Variants in DNAJC7 observed in about 807,000 individuals in gnomAD.
DNAJC7 encodes dnaJ homolog subfamily C member 7.
Under a neutral mutation model 67.4 loss-of-function variants are expected in DNAJC7, and 18 were observed. The ratio of observed to expected loss-of-function variants is 0.27; its 90% confidence interval spans 0.18 to 0.40. The LOEUF (loss-of-function observed/expected upper bound fraction) is 0.40. Among genes scored for constraint, DNAJC7 ranks in the 10% least tolerant of loss-of-function variants. DNAJC7 has a pLI of 1.00. For missense variants in DNAJC7, 419 were observed against 613.8 expected (o/e 0.68, Z 3.35); for synonymous variants, 220 against 207.8 (o/e 1.06, Z -0.50).
rs2051180912 is a variant in DNAJC7 at position 41,979,354 on chromosome 17, A to AC, written c.1385-2032_1385-2031insG. Among the ~76,000 whole-genome samples, 3 of 150,306 alleles carry AC rather than the reference A, an allele frequency of 2.0e-5. No homozygotes were observed. In the South Asian group the frequency reaches 6.3e-4, roughly 32 times the overall value. ...ACCATGTCTCAAAAACATAACAACA[A>AC]AAAAAAATTAAATAAATAAATAAGT... On this transcript the variant is annotated intron_variant, in intron 12 of 13. Transcript: ENST00000457167.
intron 3 of DNAJC7, among the ~76,000 whole-genome samples, chr17:41,996,758 G>A (rs1172803470): frequency 1.3e-5 from 2 of 152,188 alleles, no homozygotes; most frequent in African/African-American, 4.8e-5. Context: ...ACTCCAGCCT[G>A]GGCGACAGAG....
At chr17:41,993,438 A>G (rs1226109124) in intron 5 of DNAJC7, among the ~76,000 whole-genome samples, 3 of 152,150 alleles carry the variant, frequency 2.0e-5, no homozygotes, top group Admixed American at 6.6e-5. Flanking sequence ...CAGCCTGGGC[A>G]ACAGACCAAG....
intron 1 of DNAJC7, among the ~76,000 whole-genome samples, chr17:42,010,417 G>C (rs1454852587): frequency 6.6e-6 from 1 of 151,874 alleles, no homozygotes. Flanking sequence ...GCTTGAACCC[G>C]GGAGGCGGAG....
chr17:41,988,922 C>T lies in DNAJC7; in HGVS notation c.754-26G>A, dbSNP rs1007204215. The T allele has an allele frequency of 6.8e-6, 11 of 1,610,920 alleles. No homozygotes were observed. The African/African-American group carries it at 8.0e-5, about 12-fold the overall frequency. The stretch of plus-strand genomic sequence containing the variant: ...CTACAGAAAAAAGCAAGGGGAGGAT[C>T]GGTTCATATCCACAAAGCCTCAGAC... On this transcript the variant is annotated intron_variant, in intron 7 of 13. Transcript: ENST00000457167.
chr17:41,989,152 A>G (rs782558532), intron 7 of DNAJC7, among the ~76,000 whole-genome samples: 21 of 152,236 alleles, frequency 1.4e-4, no homozygotes, highest in African/African-American at 3.1e-4. Context: ...ATTACTATCT[A>G]TCTTCACTGA....
chr17:41,988,331 A>G (rs2051433009), intron 8 of DNAJC7, among the ~76,000 whole-genome samples: 3 of 152,302 alleles, frequency 2.0e-5, no homozygotes, highest in Non-Finnish European at 2.9e-5. Flanking sequence ...GCCATTTTCA[A>G]CCATGCATGG....
chr17:41,981,769 TAG>T, intron 12 of DNAJC7, 84 bp downstream of exon 12: 4 of 1,547,140 alleles, frequency 2.6e-6, no homozygotes, highest in Non-Finnish European at 3.5e-6. Flanking sequence ...TTGGCCCAAA[TAG>T]ACTCTCCCTC....
Position 41,987,858 on chromosome 17 carries a change from T to A in DNAJC7, c.971A>T (p.Asp324Val). Reference sequence around the variant, plus strand: ...CAAGTAGGCTTTTATGTAAGTGTCATCAAGCTTCACTGCATTTGTGCAGTC... The same window carrying A: ...CAAGTAGGCTTTTATGTAAGTGTCAACAAGCTTCACTGCATTTGTGCAGTC... ...IEDCTNAVKL[D>V]DTYIKAYLRR... Residue 324 changes from aspartate (D) to valine (V), a missense_variant, in exon 9 of 14, where the codon GAT becomes GTT. Around this residue, in one of 4 missense-constraint regions of DNAJC7, gnomAD observed 161 missense variants for 252.2 expected, o/e 0.64. Coordinates refer to ENST00000457167, the MANE Select transcript of DNAJC7 (RefSeq NM_003315.4). 1 of 1,612,106 alleles carries A rather than the reference T, an allele frequency of 6.2e-7. No individual in the cohort carries two copies. Among genetic ancestry groups the A allele is most frequent in the Non-Finnish European group, 8.5e-7 (1 of 1,179,212 alleles).
chr17:41,983,446 G>T, intron 10 of DNAJC7, 117 bp downstream of exon 10: 1 of 909,268 alleles, frequency 1.1e-6, no homozygotes, highest in Non-Finnish European at 1.6e-6. Flanking sequence ...CTTTCTGGCT[G>T]GTGATCAAAT....
chr17:41,994,519 CAAAAAAAAAAAA>C (rs68006925), intron 5 of DNAJC7, among the ~76,000 whole-genome samples: 1 of 37,888 alleles, frequency 2.6e-5, no homozygotes, highest in Non-Finnish European at 6.1e-5. Flanking sequence ...GACTAGGCCT[CAAAAAAAAAAAA>C]AAAAAAAAAA....
At chr17:42,004,448 A>G (rs2143296240) in intron 1 of DNAJC7, among the ~76,000 whole-genome samples, 1 of 152,268 alleles carries the variant, frequency 6.6e-6, no homozygotes, top group South Asian at 2.1e-4. Context: ...CTCCCACCAA[A>G]TCCTTGGGTC....
In DNAJC7 at chr17:42,000,578, T is replaced by C; in HGVS notation, c.78-8A>G. On this transcript the variant is annotated splice_region_variant and splice_polypyrimidine_tract_variant and intron_variant, in intron 1 of 13. Coordinates refer to ENST00000457167, the MANE Select transcript of DNAJC7 (RefSeq NM_003315.4). ...TTGAAAGTCTCTGCTTCCCTGAAAA[T>C]GAAAGAGAAAGAGAATCATGTTACT... The C allele has an allele frequency of 6.3e-7, 1 of 1,597,052 alleles. No individual in the cohort carries two copies. Among genetic ancestry groups the C allele is most frequent in the East Asian group, 2.2e-5 (1 of 44,698 alleles).
chr17:41,979,280 C>G (rs554622376), intron 12 of DNAJC7, among the ~76,000 whole-genome samples: 254 of 142,056 alleles, frequency 1.8e-3, no homozygotes, highest in African/African-American at 6.1e-3. Flanking sequence ...TGGAGGTTGC[C>G]GTGAGCTGAG....
intron 12 of DNAJC7, among the ~76,000 whole-genome samples, chr17:41,979,114 G>A (rs897535295): frequency 3.3e-5 from 5 of 150,448 alleles, no homozygotes; most frequent in South Asian, 2.1e-4. Context: ...CAAGATGGGC[G>A]GATCACACAA....
At chr17:42,003,930 A>G (rs779861301) in intron 1 of DNAJC7, among the ~76,000 whole-genome samples, 1 of 140,226 alleles carries the variant, frequency 7.1e-6, no homozygotes, top group Non-Finnish European at 1.6e-5. Context: ...TTTTCGAAGC[A>G]TTTCCAATGA....
chr17:42,002,520 G>A (rs2051835020), intron 1 of DNAJC7, among the ~76,000 whole-genome samples: 1 of 152,160 alleles, frequency 6.6e-6, no homozygotes, highest in Non-Finnish European at 1.5e-5. Context: ...TTGGTGGACA[G>A]TTACTAATAA....
intron 1 of DNAJC7, among the ~76,000 whole-genome samples, chr17:42,012,413 G>A (rs767442110): frequency 7.9e-5 from 12 of 152,206 alleles, no homozygotes; most frequent in Non-Finnish European, 1.6e-4. Context: ...AACCCAGGAG[G>A]CGGAGTTTGC....
chr17:42,009,459 G>T (rs2052060362), intron 1 of DNAJC7, among the ~76,000 whole-genome samples: 1 of 152,218 alleles, frequency 6.6e-6, no homozygotes, highest in African/African-American at 2.4e-5. Flanking sequence ...CAGTAAGGAA[G>T]AAAAAGCAAG....
chr17:42,017,284 T>C (rs1432770015), intron 1 of DNAJC7, 56 bp downstream of exon 1: 2 of 1,607,448 alleles, frequency 1.2e-6, no homozygotes, highest in Non-Finnish European at 1.7e-6. Context: ...AGGAACGAGT[T>C]TCCCTGAGCC....
Sources: allele counts gnomAD v4.1 joint callset (sites outside exome capture counted in the v4.1 genomes callset), GRCh38; gene constraint gnomAD v4.1.1; regional missense constraint gnomAD v4.1.1; transcripts MANE v1.5; gene names NCBI Gene and HGNC (gene_info 2026-07-23, HGNC 2026-07-21).